Variants in MICU3 observed in about 807,000 individuals in gnomAD.
MICU3 encodes the protein mitochondrial calcium uptake 3, also known as calcium uptake protein 3, mitochondrial.
In MICU3, 62 loss-of-function variants were observed where a neutral mutation model predicts 66.5. That is an observed-to-expected ratio of 0.93 (90% CI 0.76 to 1.15). MICU3 has a LOEUF of 1.15. Ranked by LOEUF, MICU3 falls within the 50% of genes most tolerant of loss-of-function variation. The pLI, the probability that MICU3 is intolerant of heterozygous loss-of-function variation, is 0.00. For synonymous variants in MICU3, 308 were observed against 240.7 expected, an observed-to-expected ratio of 1.28 and a Z score of -2.59; for missense variants, 779 against 664.4, an observed-to-expected ratio of 1.17 and a Z score of -1.90.
intron 1 of MICU3, among the ~76,000 whole-genome samples, chr8:17,037,299 G>T (rs990053477): frequency 1.3e-5 from 2 of 152,210 alleles, no homozygotes; most frequent in African/African-American, 4.8e-5. Flanking sequence ...CTCCTCAAGT[G>T]CTGCCAAAGT....
At position 17,034,637 on chromosome 8, in the gene MICU3, CCT is replaced by C. The variant is rs527722834; in HGVS notation, c.381+6979_381+6980del. On this transcript the variant is annotated intron_variant, in intron 1 of 14. Coordinates refer to ENST00000318063, the MANE Select transcript of MICU3 (RefSeq NM_181723.3). ...AGTTAATTCCAACTTTCATGGATGA[CCT>C]CAAGGGATTCAAGATTTCAGTGAAG... Among the ~76,000 whole-genome samples the C allele has an allele frequency of 7.5e-4, 114 of 152,202 alleles. 1 individual carries two copies. Among genetic ancestry groups the C allele is most frequent in the African/African-American group, 2.7e-3 (112 of 41,540 alleles).
chr8:17,077,904 T>C, intron 4 of MICU3, 43 bp downstream of exon 4: 1 of 1,228,770 alleles, frequency 8.1e-7, no homozygotes, highest in Non-Finnish European at 1.2e-6. Context: ...AACTATATTA[T>C]GTATACTATT....
chr8:17,036,998 G>T (rs575585327), intron 1 of MICU3, among the ~76,000 whole-genome samples: 5 of 152,214 alleles, frequency 3.3e-5, no homozygotes, highest in Admixed American at 2.6e-4. Context: ...GAAATCGAGC[G>T]CAGCGCCCGT....
At chr8:17,068,968 T>C (rs1819134478) in intron 2 of MICU3, among the ~76,000 whole-genome samples, 1 of 152,226 alleles carries the variant, frequency 6.6e-6, no homozygotes, top group Non-Finnish European at 1.5e-5. Context: ...TGTTCAAATG[T>C]GAGCAAAGGA....
chr8:17,103,212 C>G (rs1188644804), intron 9 of MICU3, among the ~76,000 whole-genome samples: 1 of 151,698 alleles, frequency 6.6e-6, no homozygotes, highest in Non-Finnish European at 1.5e-5. Context: ...AAAGATTTAA[C>G]AAATGTTATG....
chr8:17,056,110 G>C (rs532438607), intron 1 of MICU3, among the ~76,000 whole-genome samples: 1 of 152,248 alleles, frequency 6.6e-6, no homozygotes, highest in Non-Finnish European at 1.5e-5. Context: ...TTTAGCCCCA[G>C]TCTTCTATCC....
chr8:17,108,882 C>T (rs1801967336), intron 11 of MICU3, among the ~76,000 whole-genome samples: 1 of 152,130 alleles, frequency 6.6e-6, no homozygotes, highest in African/African-American at 2.4e-5. Context: ...ACCTCACTTC[C>T]TATATTCTGA....
At chr8:17,030,594 C>T (rs968683664) in intron 1 of MICU3, among the ~76,000 whole-genome samples, 1 of 151,958 alleles carries the variant, frequency 6.6e-6, no homozygotes, top group African/African-American at 2.4e-5. Flanking sequence ...TTCTCTGATG[C>T]TGTTGAGCGT....
chr8:17,118,725 A>G lies in MICU3; in HGVS notation c.1543A>G (p.Lys515Glu). The G allele has an allele frequency of 6.2e-7, 1 of 1,611,930 alleles. No individual in the cohort carries two copies. The highest frequency in any genetic ancestry group is 8.5e-7 in the Non-Finnish European group (1 of 1,178,228). ...TTTACAGGGTTATAAAACAGTCCAG[A>G]AGTACCCCACTTTCAAATCCTGCCT... The part of the protein sequence containing the change: ...RGFRGYKTVQ[K>E]YPTFKSCLKK... The change falls in exon 14 of 15, where the codon AAG (lysine) becomes GAG (glutamate). Residue 515 changes from lysine (K) to glutamate (E), a missense_variant. Transcript: ENST00000318063.
intron 9 of MICU3, among the ~76,000 whole-genome samples, chr8:17,103,044 C>T (rs190077013): frequency 5.3e-5 from 8 of 152,074 alleles, no homozygotes; most frequent in African/African-American, 1.7e-4. Context: ...GATGACCCTA[C>T]ATGCTGGAGT....
At chr8:17,043,662 A>G (rs191951664) in intron 1 of MICU3, among the ~76,000 whole-genome samples, 6 of 152,324 alleles carry the variant, frequency 3.9e-5, no homozygotes, top group Admixed American at 1.3e-4. Context: ...ATGTTCTTAT[A>G]GTAAAGAATA....
In MICU3 at chr8:17,066,543, A is replaced by AT. The variant is rs777756919; in HGVS notation, c.535+2323dup. Among the ~76,000 whole-genome samples the AT allele has an allele frequency of 9.4e-3, 991 of 104,888 alleles. 36 individuals are homozygous for AT. Among genetic ancestry groups the AT allele is most frequent in the East Asian group, 0.043 (162 of 3,760 alleles). The allele number at this position is 104,888 out of a possible 152,430, so 68.8% of individuals were successfully genotyped here. On this transcript the variant is annotated intron_variant, in intron 2 of 14. Transcript: ENST00000318063. ...TATATATATATATATATATATATAG[A>AT]TTTTTTTTTTTTTTTTTGAGGCAGG...
chr8:17,125,849 G>C (rs1475280171), downstream of MICU3, among the ~76,000 whole-genome samples: 5 of 151,964 alleles, frequency 3.3e-5, no homozygotes, highest in Non-Finnish European at 5.9e-5. Flanking sequence ...GACCGAGATG[G>C]TGAAACCCCA....
the MICU3 span, among the ~76,000 whole-genome samples, chr8:17,133,375 C>T: frequency 6.6e-6 from 1 of 152,110 alleles, no homozygotes; most frequent in South Asian, 2.1e-4. Flanking sequence ...CTATTTCTGT[C>T]TTTTGCCACA....
the MICU3 span, among the ~76,000 whole-genome samples, chr8:17,137,123 A>G: frequency 1.3e-5 from 2 of 152,030 alleles, no homozygotes; most frequent in African/African-American, 4.8e-5. Flanking sequence ...ACTCCCGTCC[A>G]AACCTTTCTT....
rs535882113 is a variant in MICU3 at position 17,120,717 on chromosome 8, C to G, written c.*430C>G. 8.5e-5 allele frequency: 13 copies of G among 152,450 alleles called. No homozygotes were observed. The South Asian group carries it at 1.2e-3, about 15-fold the overall frequency. 9.4% of individuals were successfully genotyped at this position (152,450 alleles called of 1,614,324 possible). ...ATTTTCTTTGATTTTGGACTGTGAA[C>G]TTATTTTCAGAGATGAATATTGCTT... is the stretch of plus-strand genomic sequence containing the variant. On this transcript the variant is annotated 3_prime_UTR_variant, in exon 15 of 15. Transcript: ENST00000318063.
At chr8:17,034,173 G>A (rs967619700) in intron 1 of MICU3, among the ~76,000 whole-genome samples, 12 of 152,166 alleles carry the variant, frequency 7.9e-5, no homozygotes, top group Non-Finnish European at 1.8e-4. Context: ...TGCTACCTGT[G>A]TTATGTTAGG....
intron 1 of MICU3, among the ~76,000 whole-genome samples, chr8:17,059,947 G>T (rs377189581): frequency 4.6e-5 from 7 of 152,082 alleles, no homozygotes; most frequent in Admixed American, 4.6e-4. Flanking sequence ...ATACTAGTAG[G>T]ATTTTTACAA....
At position 17,079,343 on chromosome 8, in the gene MICU3, G is replaced by A. The variant is rs140262634; in HGVS notation, c.646+1482G>A. On this transcript the variant is annotated intron_variant, in intron 4 of 14. Coordinates refer to ENST00000318063, the MANE Select transcript of MICU3 (RefSeq NM_181723.3). ...TTTTAAATTTAAATAGCTACACCCT[G>A]TAGTACAATGCGTATCTGTATCATA... is the stretch of plus-strand genomic sequence containing the variant. Among the ~76,000 whole-genome samples the A allele has an allele frequency of 8.5e-3, 1,295 of 152,162 alleles. 14 individuals carry two copies. The highest frequency in any genetic ancestry group is 0.029 in the African/African-American group (1,220 of 41,492).
Sources: gnomAD v4.1 joint callset for allele counts (sites outside exome capture counted in the v4.1 genomes callset) on GRCh38, gnomAD v4.1.1 for gene constraint, MANE v1.5 for transcripts, NCBI Gene and HGNC (gene_info 2026-07-23, HGNC 2026-07-21) for gene names.